KHDRBS2: variants seen among roughly 807,000 people sequenced by gnomAD.
KHDRBS2 encodes KH RNA binding domain containing, signal transduction associated 2.
KHDRBS2 carries 26 observed loss-of-function variants against 44.3 expected under a neutral mutation model. That is an observed-to-expected ratio of 0.59 (90% CI 0.43 to 0.81). The LOEUF (loss-of-function observed/expected upper bound fraction) is 0.81, where lower values mean the gene tolerates loss of function less well. Ranked by LOEUF, KHDRBS2 falls within the 40% of genes least tolerant of loss-of-function variation. The pLI is 0.00. For missense variants in KHDRBS2, 476 were observed against 433.1 expected (o/e 1.10, Z -0.88); for synonymous variants, 194 against 151.1 (o/e 1.28, Z -2.08).
the KHDRBS2 span, among the ~76,000 whole-genome samples, chr6:61,546,070 CT>C: frequency 6.6e-6 from 1 of 151,940 alleles, no homozygotes; most frequent in Non-Finnish European, 1.5e-5. Flanking sequence ...AATATTTCTT[CT>C]TTTGACAAAC....
At chr6:62,010,134 C>T (rs574525381) in intron 3 of KHDRBS2, among the ~76,000 whole-genome samples, 1 of 152,272 alleles carries the variant, frequency 6.6e-6, no homozygotes, top group South Asian at 2.1e-4. Flanking sequence ...AAGGACGGAG[C>T]TGACCAAGAC....
At chr6:62,143,466 A>G (rs1813283736) in intron 2 of KHDRBS2, among the ~76,000 whole-genome samples, 2 of 151,974 alleles carry the variant, frequency 1.3e-5, no homozygotes, top group South Asian at 2.1e-4. Flanking sequence ...TTGGGCTGCA[A>G]TATCTCTGTT....
intron 3 of KHDRBS2, among the ~76,000 whole-genome samples, chr6:62,001,037 A>G (rs1285802006): frequency 6.6e-6 from 1 of 152,196 alleles, no homozygotes; most frequent in Non-Finnish European, 1.5e-5. Flanking sequence ...GTGCTTGAGC[A>G]ATAATGTGTG....
chr6:61,560,795 T>G, the KHDRBS2 span, among the ~76,000 whole-genome samples: 1 of 152,304 alleles, frequency 6.6e-6, no homozygotes, highest in Non-Finnish European at 1.5e-5. Context: ...CTTATCTCTG[T>G]CTGTCTTGGA....
chr6:61,709,227 G>A (rs1251089449), intron 7 of KHDRBS2, among the ~76,000 whole-genome samples: 1 of 151,570 alleles, frequency 6.6e-6, no homozygotes, highest in Non-Finnish European at 1.5e-5. Context: ...GAAATATTCT[G>A]AAACATGAAA....
At chr6:61,636,036 A>G in the KHDRBS2 span, among the ~76,000 whole-genome samples, 1 of 152,076 alleles carries the variant, frequency 6.6e-6, no homozygotes. Context: ...TTCCTTTCTT[A>G]TCCTATGCTG....
chr6:61,561,086 G>A, the KHDRBS2 span, among the ~76,000 whole-genome samples: 2 of 152,250 alleles, frequency 1.3e-5, no homozygotes, highest in East Asian at 3.9e-4. Context: ...ACTCAAAGAA[G>A]TCTCACCATG....
At chr6:62,170,399 G>A (rs1356343185) in intron 2 of KHDRBS2, among the ~76,000 whole-genome samples, 1 of 152,000 alleles carries the variant, frequency 6.6e-6, no homozygotes, top group African/African-American at 2.4e-5. Context: ...GATTGAAGGG[G>A]GCTCCTCCAA....
chr6:62,202,546 C>A (rs916719347), intron 1 of KHDRBS2, among the ~76,000 whole-genome samples: 2 of 151,836 alleles, frequency 1.3e-5, no homozygotes, highest in Non-Finnish European at 2.9e-5. Context: ...GACTGGGACA[C>A]ATCAGTGAAT....
chr6:61,567,059 CATCTGTGTTTGCTAGTT>C, the KHDRBS2 span, among the ~76,000 whole-genome samples: 4 of 152,162 alleles, frequency 2.6e-5, no homozygotes, highest in Non-Finnish European at 5.9e-5. Flanking sequence ...GTGATTTGGC[CATCTGTGTTTGCTAGTT>C]ATCTCTTATT....
intron 2 of KHDRBS2, among the ~76,000 whole-genome samples, chr6:62,143,269 C>A (rs745401511): frequency 4.0e-5 from 6 of 151,838 alleles, no homozygotes; most frequent in East Asian, 1.9e-4. Flanking sequence ...CATCTATACA[C>A]CTCCCACAAA....
chr6:61,553,689 GTATGT>G, the KHDRBS2 span, among the ~76,000 whole-genome samples: 1 of 152,024 alleles, frequency 6.6e-6, no homozygotes, highest in African/African-American at 2.4e-5. Flanking sequence ...CCAGATTCTG[GTATGT>G]TATATCTTTG....
the KHDRBS2 span, among the ~76,000 whole-genome samples, chr6:61,642,622 A>G: frequency 1.6e-4 from 24 of 151,330 alleles, no homozygotes; most frequent in African/African-American, 4.6e-4. Context: ...AATCACACCA[A>G]TGTACTCCAG....
chr6:61,624,973 C>A, the KHDRBS2 span, among the ~76,000 whole-genome samples: 2 of 151,936 alleles, frequency 1.3e-5, no homozygotes, highest in Admixed American at 1.3e-4. Flanking sequence ...AACTTTGTAT[C>A]CAGAAGACAG....
chr6:62,055,724 T>G (rs1006540252), intron 2 of KHDRBS2, among the ~76,000 whole-genome samples: 1 of 152,030 alleles, frequency 6.6e-6, no homozygotes, highest in African/African-American at 2.4e-5. Context: ...AAACAACTTT[T>G]CAGATCCCTT....
chr6:62,261,020 C>T lies in KHDRBS2; in HGVS notation c.91+24838G>A, dbSNP rs372279123. 2.0e-3 allele frequency among the ~76,000 whole-genome samples: 299 copies of T among 151,932 alleles called. 9 individuals are homozygous for T. In the South Asian group the frequency reaches 0.059, roughly 30 times the overall value. On this transcript the variant is annotated intron_variant, in intron 1 of 8. Transcript: ENST00000281156. The stretch of plus-strand genomic sequence containing the variant: ...TCTCCTCCTAAAATCTGGTCACTGG[C>T]AATATATTTCTTTTAGACTACCAAA...
chr6:62,231,505 C>T (rs1832894713), intron 1 of KHDRBS2, among the ~76,000 whole-genome samples: 1 of 152,154 alleles, frequency 6.6e-6, no homozygotes, highest in South Asian at 2.1e-4. Flanking sequence ...GAGGTCCTTT[C>T]CTTGACACAC....
the KHDRBS2 span, among the ~76,000 whole-genome samples, chr6:61,662,888 T>G: frequency 3.9e-5 from 6 of 151,914 alleles, no homozygotes; most frequent in Non-Finnish European, 5.9e-5. Context: ...GACCCAGCCA[T>G]CCCATTACTG....
At chr6:61,681,644 A>AAACAC (rs776439472) in intron 8 of KHDRBS2, among the ~76,000 whole-genome samples, 5 of 145,904 alleles carry the variant, frequency 3.4e-5, no homozygotes, top group Admixed American at 6.8e-5. Flanking sequence ...AAACAAAACA[A>AAACAC]AACACAAAGA....
Sources: allele counts gnomAD v4.1 joint callset (sites outside exome capture counted in the v4.1 genomes callset), GRCh38; gene constraint gnomAD v4.1.1; transcripts MANE v1.5; gene names NCBI Gene and HGNC (gene_info 2026-07-23, HGNC 2026-07-21).